NFATC3: variants seen among roughly 807,000 people sequenced by gnomAD.
The protein encoded by NFATC3 is nuclear factor of activated T cells 3.
A neutral mutation model predicts 98.6 loss-of-function variants in NFATC3; 46 were observed. That is an observed-to-expected ratio of 0.47 (90% CI 0.37 to 0.60). The LOEUF is 0.60. NFATC3 is among the 20% of genes least tolerant of loss of function. NFATC3 has a pLI of 0.00. For missense variants in NFATC3, 1,256 were observed against 1,295.5 expected, an observed-to-expected ratio of 0.97 and a Z score of 0.47; for synonymous variants, 512 against 472.2, an observed-to-expected ratio of 1.08 and a Z score of -1.09.
chr16:68,211,362 ATT>A (rs1048181465), intron 9 of NFATC3, among the ~76,000 whole-genome samples: 1 of 148,108 alleles, frequency 6.8e-6, no homozygotes, highest in Non-Finnish European at 1.5e-5. Context: ...TAATTTTTGT[ATT>A]TTTAGTAGAG....
chr16:68,223,892 C>T (rs1170271576), intron 9 of NFATC3, among the ~76,000 whole-genome samples: 2 of 129,276 alleles, frequency 1.5e-5, no homozygotes, highest in African/African-American at 5.9e-5. Context: ...AAGACTCCAT[C>T]TCAAAAAAAA....
In NFATC3 at chr16:68,101,640, C is replaced by T. The variant is rs572275476; in HGVS notation, c.103+15856C>T. ...CTGGGACTACAGGCGCCTGCCACCA[C>T]GCCTGGCTAATTTTTTGTATTTTTG... On this transcript the variant is annotated intron_variant, in intron 1 of 9. Transcript: ENST00000346183. 9.2e-5 allele frequency among the ~76,000 whole-genome samples: 14 copies of T among 152,098 alleles called. No homozygotes were observed. In the East Asian group the frequency reaches 1.7e-3, roughly 19 times the overall value.
At chr16:68,184,880 C>T (rs1297922250) in intron 8 of NFATC3, among the ~76,000 whole-genome samples, 2 of 152,064 alleles carry the variant, frequency 1.3e-5, no homozygotes, top group Non-Finnish European at 2.9e-5. Context: ...AAGTTCTCTA[C>T]AGAAACCTAG....
intron 6 of NFATC3, among the ~76,000 whole-genome samples, chr16:68,180,511 T>A (rs1029362559): frequency 8.5e-5 from 13 of 152,132 alleles, no homozygotes; most frequent in Non-Finnish European, 1.5e-4. Context: ...TTATTTTTTT[T>A]AAATTATACT....
intron 1 of NFATC3, among the ~76,000 whole-genome samples, chr16:68,097,983 C>T (rs1278985007): frequency 6.6e-6 from 1 of 152,050 alleles, no homozygotes; most frequent in Non-Finnish European, 1.5e-5. Flanking sequence ...TGGGTGCTGA[C>T]TTCTTGTCAT....
chr16:68,121,890 T>G, intron 1 of NFATC3, 97 bp from the exon 2 acceptor site: 1 of 1,373,668 alleles, frequency 7.3e-7, no homozygotes, highest in Non-Finnish European at 9.8e-7. Flanking sequence ...TCTCTCGAGA[T>G]TGTTATTATT....
chr16:68,138,901 G>A (rs2037597126), intron 3 of NFATC3: 1 of 677,742 alleles, frequency 1.5e-6, no homozygotes, highest in Non-Finnish European at 2.1e-6. Context: ...GGATTTTACT[G>A]TATCCTTGAC....
At chr16:68,212,550 G>A (rs1221086659) in intron 9 of NFATC3, 1 of 152,032 alleles carries the variant, frequency 6.6e-6, no homozygotes, top group Non-Finnish European at 1.5e-5. Context: ...GACTCTTGGG[G>A]CATCTGAATG....
intron 1 of NFATC3, among the ~76,000 whole-genome samples, chr16:68,102,300 A>G (rs1175719358): frequency 7.2e-6 from 1 of 138,234 alleles, no homozygotes; most frequent in African/African-American, 2.7e-5. Flanking sequence ...TGAACCCAGG[A>G]GGCAGAGGTT....
Position 68,190,968 on chromosome 16 carries a change from T to C in NFATC3, c.2299T>C (p.Leu767=). ...GGTGACCTCATCCCATCTGCCACAG[T>C]TGCAGTGTAGAGATGAGAGTGTTAG... The part of the protein sequence containing the change: ...SMVTSSHLPQ[L]QCRDESVSKE... The change falls in exon 9 of 10, where the codon TTG becomes CTG. Residue 767 remains leucine (L), a synonymous_variant. Transcript: ENST00000346183. 1.2e-6 allele frequency: 2 copies of C among 1,614,196 alleles called. No homozygotes were observed. The highest frequency in any genetic ancestry group is 1.7e-6 in the Non-Finnish European group (2 of 1,180,028).
chr16:68,146,939 A>G (rs1017154050), intron 3 of NFATC3, among the ~76,000 whole-genome samples: 1 of 152,276 alleles, frequency 6.6e-6, no homozygotes. Context: ...CTTCTCTGGA[A>G]ATCAGATGGG....
At chr16:68,126,724 C>G in intron 3 of NFATC3, 114 bp downstream of exon 3, 1 of 1,007,008 alleles carries the variant, frequency 9.9e-7, no homozygotes, top group Non-Finnish European at 1.4e-6. Context: ...AACTAGAGAG[C>G]CTCTGTTGTT....
intron 1 of NFATC3, among the ~76,000 whole-genome samples, chr16:68,120,114 C>CAA (rs536178978): frequency 2.1e-3 from 119 of 57,944 alleles, no homozygotes; most frequent in African/African-American, 5.8e-3. Flanking sequence ...CCTGTCTCTA[C>CAA]AAAAAAAAAA....
intron 4 of NFATC3, among the ~76,000 whole-genome samples, chr16:68,163,578 G>A (rs534411610): frequency 0.063 from 7,677 of 121,792 alleles, 230 homozygotes; most frequent in Middle Eastern, 0.19. Context: ...GGTGGCTGCC[G>A]GGCGGAGACG....
intron 3 of NFATC3, among the ~76,000 whole-genome samples, chr16:68,135,213 A>G (rs948625116): frequency 3.3e-5 from 5 of 152,042 alleles, no homozygotes; most frequent in South Asian, 2.1e-4. Context: ...AATCCCAGCA[A>G]TATGGGAGGC....
At chr16:68,223,915 A>C (rs2041953223) in intron 9 of NFATC3, among the ~76,000 whole-genome samples, 1 of 149,820 alleles carries the variant, frequency 6.7e-6, no homozygotes, top group South Asian at 2.1e-4. Flanking sequence ...AAAAAAAAAA[A>C]TCTGACAAAG....
chr16:68,087,787 A>T (rs948232523), intron 1 of NFATC3, among the ~76,000 whole-genome samples: 15 of 152,182 alleles, frequency 9.9e-5, no homozygotes, highest in Non-Finnish European at 1.9e-4. Context: ...ATTTTATATA[A>T]ATAGGATAAT....
At chr16:68,170,539 C>G (rs990739576) in intron 5 of NFATC3, among the ~76,000 whole-genome samples, 1 of 146,210 alleles carries the variant, frequency 6.8e-6, no homozygotes, top group Non-Finnish European at 1.5e-5. Context: ...GTGGTCCAGG[C>G]TGGAGTGCAG....
At chr16:68,117,400 A>G (rs941461061) in intron 1 of NFATC3, among the ~76,000 whole-genome samples, 1 of 152,202 alleles carries the variant, frequency 6.6e-6, no homozygotes, top group Admixed American at 6.5e-5. Context: ...TTGGTTTCCC[A>G]TCTCGCAAGG....
Sources: allele counts gnomAD v4.1 joint callset (sites outside exome capture counted in the v4.1 genomes callset), GRCh38; gene constraint gnomAD v4.1.1; transcripts MANE v1.5; gene names NCBI Gene and HGNC (gene_info 2026-07-23, HGNC 2026-07-21).